The following FGL1 variants were observed in gnomAD, a reference collection of about 807,000 sequenced individuals.
FGL1 encodes the protein fibrinogen-like protein 1.
Under a neutral mutation model 43.7 loss-of-function variants are expected in FGL1, and 59 were observed. The ratio of observed to expected loss-of-function variants is 1.35; its 90% CI spans 1.10 to 1.68. FGL1 has a LOEUF of 1.68. Ranked by LOEUF, FGL1 falls within the 40% of genes most tolerant of loss-of-function variation. The probability of loss-of-function intolerance (pLI) is 0.00; values close to 1 mark genes in which losing one functional copy is unlikely to be tolerated. For missense variants in FGL1, 596 were observed against 373.0 expected, an observed-to-expected ratio of 1.60 and a Z score of -4.92; for synonymous variants, 192 against 126.5, an observed-to-expected ratio of 1.52 and a Z score of -3.48.
At chr8:17,881,898 C>T in intron 3 of FGL1, 101 bp downstream of exon 3, 2 of 951,568 alleles carry the variant, frequency 2.1e-6, no homozygotes, top group Non-Finnish European at 3.1e-6. Flanking sequence ...CTTCATATTG[C>T]TTGTTACTGA....
intron 1 of FGL1, among the ~76,000 whole-genome samples, chr8:17,889,002 C>T (rs952257395): frequency 1.3e-5 from 2 of 152,092 alleles, no homozygotes; most frequent in Non-Finnish European, 2.9e-5. Context: ...ACAATAATTG[C>T]TAAACAGGCT....
chr8:17,873,394 T>G (rs2053394540), intron 5 of FGL1, among the ~76,000 whole-genome samples: 1 of 152,010 alleles, frequency 6.6e-6, no homozygotes, highest in South Asian at 2.1e-4. Context: ...AGCAGCAACT[T>G]CAGTGAGGAA....
At position 17,882,000 on chromosome 8, in the gene FGL1, T is replaced by G; in HGVS notation, c.243A>C (p.Ala81=). The part of the protein sequence containing the change: ...VIDLGSKRQY[A]DCSEIFNDGY... ...CACTTAAGAAAAGTCCATTCTGACCTGCATACTGCCTCTTGCTTCCAAGAT... is the reference window on the plus strand; with the variant it reads ...CACTTAAGAAAAGTCCATTCTGACCGGCATACTGCCTCTTGCTTCCAAGAT... The change falls in exon 3 of 8, where the codon GCA becomes GCC. Residue 81 remains alanine (A), a splice_region_variant and synonymous_variant. Transcript: ENST00000427924. 3.1e-6 allele frequency: 5 copies of G among 1,613,620 alleles called. No homozygotes were observed. The highest frequency in any genetic ancestry group is 4.2e-6 in the Non-Finnish European group (5 of 1,179,710).
At chr8:17,887,885 T>C (rs1054291198) in intron 1 of FGL1, among the ~76,000 whole-genome samples, 10 of 152,112 alleles carry the variant, frequency 6.6e-5, no homozygotes, top group Middle Eastern at 3.2e-3. Flanking sequence ...AAGTTATCCT[T>C]TTAAACATAT....
intron 5 of FGL1, 138 bp downstream of exon 5, chr8:17,873,881 T>C: frequency 2.0e-6 from 1 of 497,022 alleles, no homozygotes; most frequent in Non-Finnish European, 3.3e-6. Context: ...TTTGGGATTA[T>C]TGCCCAAAAG....
At chr8:17,873,658 G>A (rs972372750) in intron 5 of FGL1, among the ~76,000 whole-genome samples, 6 of 148,446 alleles carry the variant, frequency 4.0e-5, no homozygotes, top group African/African-American at 9.9e-5. Context: ...TTCAGAAGTA[G>A]AATATATATA....
At chr8:17,868,035 G>A (rs545683769) in intron 7 of FGL1, among the ~76,000 whole-genome samples, 1 of 152,182 alleles carries the variant, frequency 6.6e-6, no homozygotes, top group Non-Finnish European at 1.5e-5. Context: ...AATGTATTCA[G>A]TCAGAGGGTA....
At chr8:17,885,664 C>T (rs1388959534) in intron 1 of FGL1, 93 bp from the exon 2 acceptor site, 5 of 955,582 alleles carry the variant, frequency 5.2e-6, no homozygotes, top group Admixed American at 2.3e-5. Flanking sequence ...AAGTCGGATG[C>T]AGCCGCAGGC....
chr8:17,875,481 CTCTTTCTTTCTTTCTTTCTTTCTT>C (rs1172572579), intron 3 of FGL1, among the ~76,000 whole-genome samples: 1 of 129,766 alleles, frequency 7.7e-6, no homozygotes, highest in African/African-American at 3.2e-5. Flanking sequence ...AAAGTGATAT[CTCTTTCTTTCTTTCTTTCTTTCTT>C]TCTTTCTTTC....
At chr8:17,881,559 C>T (rs1028871644) in intron 3 of FGL1, among the ~76,000 whole-genome samples, 102 of 151,468 alleles carry the variant, frequency 6.7e-4, no homozygotes, top group Non-Finnish European at 2.7e-4. Flanking sequence ...GTCGGCTGGG[C>T]ACGGTGGCTC....
Position 17,874,011 on chromosome 8 carries a change from A to T in FGL1, c.502+8T>A, listed in dbSNP as rs375560744. 1.3e-6 allele frequency: 2 copies of T among 1,577,440 alleles called. No homozygotes were observed. The highest frequency in any genetic ancestry group is 1.4e-5 in the African/African-American group (1 of 72,602). ...TTTCAAATAAATCTGACATCATTCA[A>T]ACCTTACCTTGAGTGGTCAAGAAGT... On this transcript the variant is annotated splice_region_variant and intron_variant, in intron 5 of 7. Coordinates refer to ENST00000427924, the MANE Select transcript of FGL1 (RefSeq NM_004467.4).
chr8:17,875,517 T>TTCTTTCTTTCTTTCTTTCTTTCTTTC, intron 3 of FGL1, among the ~76,000 whole-genome samples: 1 of 9,300 alleles, frequency 1.1e-4, no homozygotes, highest in South Asian at 2.0e-3. Context: ...CTTTCTTTCT[T>TTCTTTCTTTCTTTCTTTCTTTCTTTC]TCTTTCTTTC....
At chr8:17,876,945 T>G (rs1289703065) in intron 3 of FGL1, among the ~76,000 whole-genome samples, 3 of 152,146 alleles carry the variant, frequency 2.0e-5, no homozygotes, top group South Asian at 2.1e-4. Context: ...AAGAAAAGCT[T>G]TTAACTGAAA....
chr8:17,887,133 T>G (rs1322868875), intron 1 of FGL1, among the ~76,000 whole-genome samples: 26 of 152,030 alleles, frequency 1.7e-4, no homozygotes, highest in Non-Finnish European at 4.4e-5. Flanking sequence ...TTCCCAGGCT[T>G]CTTCTCTTGC....
intron 3 of FGL1, among the ~76,000 whole-genome samples, chr8:17,876,161 T>C (rs2053453431): frequency 6.6e-6 from 1 of 152,246 alleles, no homozygotes; most frequent in African/African-American, 2.4e-5. Context: ...CTTATCGCTT[T>C]GTTAATTTCC....
At chr8:17,889,916 G>A (rs2053681341) in intron 1 of FGL1, among the ~76,000 whole-genome samples, 1 of 152,076 alleles carries the variant, frequency 6.6e-6, no homozygotes, top group South Asian at 2.1e-4. Context: ...AAAAAAATAG[G>A]TTCAAAATAT....
intron 1 of FGL1, among the ~76,000 whole-genome samples, chr8:17,893,253 G>GA (rs1427629029): frequency 6.6e-6 from 1 of 151,964 alleles, no homozygotes; most frequent in Non-Finnish European, 1.5e-5. Flanking sequence ...GCTTAAAAAA[G>GA]AAATTTTCTC....
At chr8:17,888,597 A>C (rs1394563987) in intron 1 of FGL1, among the ~76,000 whole-genome samples, 1 of 152,106 alleles carries the variant, frequency 6.6e-6, no homozygotes, top group Non-Finnish European at 1.5e-5. Flanking sequence ...GGGTAGTTTC[A>C]TGTTTTCTTT....
chr8:17,868,482 G>C (rs1474450745), intron 7 of FGL1, 66 bp downstream of exon 7: 3 of 1,188,316 alleles, frequency 2.5e-6, no homozygotes, highest in Non-Finnish European at 3.5e-6. Flanking sequence ...ATATTATATT[G>C]ATAATTAATG....
Sources: gnomAD v4.1 joint callset for allele counts (sites outside exome capture counted in the v4.1 genomes callset) on GRCh38, gnomAD v4.1.1 for gene constraint, MANE v1.5 for transcripts, NCBI Gene and HGNC (gene_info 2026-07-23, HGNC 2026-07-21) for gene names.